Variants in DCDC2C observed in about 807,000 individuals in gnomAD.
DCDC2C encodes the protein doublecortin domain containing 2C, also known as doublecortin domain-containing protein 2C.
DCDC2C carries 44 observed loss-of-function variants against 45.0 expected under a neutral mutation model. The observed-to-expected ratio is 0.98, with a 90% CI of 0.77 to 1.26. The LOEUF (loss-of-function observed/expected upper bound fraction) is 1.26. Among genes scored for constraint, DCDC2C ranks in the 50% most tolerant of loss-of-function variants. DCDC2C has a pLI of 0.00. For synonymous variants in DCDC2C, 187 were observed against 178.8 expected (o/e 1.05, Z -0.37); for missense variants, 447 against 468.9 (o/e 0.95, Z 0.43).
Position 3,767,736 on chromosome 2 carries a change from T to G in DCDC2C, c.727-18T>G, listed in dbSNP as rs1210841404. ...CCACTGTTCTTAATGGACTTTCTCT[T>G]CTTCATTTGTCCTGTAGGTGGACTC... On this transcript the variant is annotated intron_variant, in intron 6 of 10. Coordinates refer to ENST00000399143, the MANE Select transcript of DCDC2C (RefSeq NM_001287444.2). 1.1e-5 allele frequency: 17 copies of G among 1,550,308 alleles called. No individual in the cohort carries two copies. In the Admixed American group the frequency reaches 3.3e-4, roughly 30 times the overall value.
intron 8 of DCDC2C, among the ~76,000 whole-genome samples, chr2:3,772,428 C>A (rs1670199633): frequency 6.6e-6 from 1 of 152,222 alleles, no homozygotes. Flanking sequence ...GACTCCGCAG[C>A]CCCCTTTCCT....
At chr2:3,722,312 G>A (rs994110083) in intron 2 of DCDC2C, among the ~76,000 whole-genome samples, 13 of 152,170 alleles carry the variant, frequency 8.5e-5, no homozygotes, top group African/African-American at 2.4e-4. Context: ...GTTTTTTGAT[G>A]GCTTATCATG....
At chr2:3,751,434 A>G (rs931352004) in intron 4 of DCDC2C, among the ~76,000 whole-genome samples, 1 of 152,196 alleles carries the variant, frequency 6.6e-6, no homozygotes, top group Non-Finnish European at 1.5e-5. Flanking sequence ...CAGCTCCGCC[A>G]TGCCTCTCCC....
At chr2:3,709,964 G>T (rs1668163955) in intron 2 of DCDC2C, among the ~76,000 whole-genome samples, 2 of 152,148 alleles carry the variant, frequency 1.3e-5, no homozygotes, top group Non-Finnish European at 2.9e-5. Context: ...CGCTGGCCTT[G>T]TCCTCCTAGG....
intron 4 of DCDC2C, among the ~76,000 whole-genome samples, chr2:3,750,163 T>C (rs1051039007): frequency 3.9e-5 from 6 of 152,278 alleles, no homozygotes; most frequent in Admixed American, 6.5e-5. Flanking sequence ...TCTGAGCTGA[T>C]TGATTTCCAT....
chr2:3,704,174 T>A (rs1474175498), intron 1 of DCDC2C, 136 bp downstream of exon 1: 8 of 867,216 alleles, frequency 9.2e-6, no homozygotes, highest in Non-Finnish European at 1.1e-5. Flanking sequence ...TCGGCGTGGA[T>A]CCAGCGCAGC....
At chr2:3,826,103 C>T (rs1456213088) in intron 10 of DCDC2C, among the ~76,000 whole-genome samples, 1 of 152,134 alleles carries the variant, frequency 6.6e-6, no homozygotes, top group African/African-American at 2.4e-5. Flanking sequence ...TCTGTAATAA[C>T]CCAGCCATGG....
At chr2:3,827,452 T>C (rs1671854539) in intron 10 of DCDC2C, among the ~76,000 whole-genome samples, 1 of 152,134 alleles carries the variant, frequency 6.6e-6, no homozygotes, top group African/African-American at 2.4e-5. Context: ...CATGCTGTTC[T>C]CTTCTGTGGA....
chr2:3,826,500 T>A (rs716823), intron 10 of DCDC2C, among the ~76,000 whole-genome samples: 64,465 of 151,678 alleles, frequency 0.43, 14,619 homozygotes, highest in African/African-American at 0.58. Flanking sequence ...CTTTTTTTTT[T>A]AAATTATGTA....
intron 1 of DCDC2C, among the ~76,000 whole-genome samples, chr2:3,704,996 C>T (rs1668028921): frequency 6.6e-6 from 1 of 152,146 alleles, no homozygotes; most frequent in South Asian, 2.1e-4. Context: ...CTGTGAACTA[C>T]TCCTTTTGTA....
intron 10 of DCDC2C, among the ~76,000 whole-genome samples, chr2:3,823,061 T>G (rs570397149): frequency 1.9e-4 from 29 of 152,336 alleles, no homozygotes; most frequent in African/African-American, 7.0e-4. Flanking sequence ...TTAAACTTCT[T>G]TCTTTTGTAA....
At chr2:3,744,230 G>A (rs1669296307) in intron 4 of DCDC2C, among the ~76,000 whole-genome samples, 1 of 152,206 alleles carries the variant, frequency 6.6e-6, no homozygotes, top group African/African-American at 2.4e-5. Context: ...TGGTCCATGA[G>A]GTGAGAGCAG....
At chr2:3,784,045 T>C (rs1319278502) in intron 9 of DCDC2C, among the ~76,000 whole-genome samples, 1 of 152,142 alleles carries the variant, frequency 6.6e-6, no homozygotes, top group African/African-American at 2.4e-5. Flanking sequence ...CAAAGAAGAA[T>C]ACAAATTTCC....
At chr2:3,801,238 A>G (rs1045215194) in intron 10 of DCDC2C, among the ~76,000 whole-genome samples, 14 of 152,208 alleles carry the variant, frequency 9.2e-5, no homozygotes, top group African/African-American at 3.4e-4. Context: ...CAGGTTGTGG[A>G]CAGAGGTATT....
intron 10 of DCDC2C, among the ~76,000 whole-genome samples, chr2:3,823,877 A>G (rs1182688263): frequency 1.3e-5 from 2 of 152,204 alleles, no homozygotes; most frequent in Admixed American, 6.5e-5. Context: ...CTAGAGCAGG[A>G]TTTGGCAAAG....
At chr2:3,783,145 A>G (rs1670560586) in intron 9 of DCDC2C, among the ~76,000 whole-genome samples, 1 of 152,186 alleles carries the variant, frequency 6.6e-6, no homozygotes, top group African/African-American at 2.4e-5. Context: ...CCTTTCAAAT[A>G]GTATTTAGGT....
At chr2:3,835,212 C>T (rs552978656) in intron 10 of DCDC2C, among the ~76,000 whole-genome samples, 5 of 152,262 alleles carry the variant, frequency 3.3e-5, no homozygotes, top group East Asian at 1.9e-4. Flanking sequence ...CTAAGAAATG[C>T]GGGGCGTTCC....
Position 3,820,244 on chromosome 2 carries a change from G to A in DCDC2C, c.1066-26910G>A, listed in dbSNP as rs567189336. 2.6e-5 allele frequency among the ~76,000 whole-genome samples: 4 copies of A among 152,222 alleles called. No homozygotes were observed. The South Asian group carries it at 8.3e-4, about 32-fold the overall frequency. On this transcript the variant is annotated intron_variant, in intron 10 of 10. Transcript: ENST00000399143. ...TTTCTGGCTATTTAGAACAATTATCGAGTTTGTATTGGGGCCAAGTGGTGT... is the reference window on the plus strand; with the variant it reads ...TTTCTGGCTATTTAGAACAATTATCAAGTTTGTATTGGGGCCAAGTGGTGT...
intron 6 of DCDC2C, among the ~76,000 whole-genome samples, chr2:3,763,576 C>T (rs1057088751): frequency 2.0e-5 from 3 of 152,206 alleles, no homozygotes; most frequent in Non-Finnish European, 4.4e-5. Flanking sequence ...CCATGCTGCA[C>T]GGGGTCTCTA....
Sources: allele counts gnomAD v4.1 joint callset (sites outside exome capture counted in the v4.1 genomes callset), GRCh38; gene constraint gnomAD v4.1.1; transcripts MANE v1.5; gene names NCBI Gene and HGNC (gene_info 2026-07-23, HGNC 2026-07-21).